ARHGAP24: variants seen among roughly 807,000 people sequenced by gnomAD.
ARHGAP24 encodes the protein Rho GTPase activating protein 24.
Under a neutral mutation model 76.4 loss-of-function variants are expected in ARHGAP24, and 50 were observed. The observed-to-expected ratio is 0.65, with a 90% CI of 0.52 to 0.83. ARHGAP24 has a LOEUF of 0.83. ARHGAP24 is among the 40% of genes least tolerant of loss of function. ARHGAP24 has a pLI of 0.00. For missense variants in ARHGAP24, 930 were observed against 914.2 expected, an observed-to-expected ratio of 1.02 and a Z score of -0.22; for synonymous variants, 345 against 323.3, an observed-to-expected ratio of 1.07 and a Z score of -0.72.
chr4:85,531,897 C>T (rs1028550307), intron 1 of ARHGAP24, among the ~76,000 whole-genome samples: 1 of 152,032 alleles, frequency 6.6e-6, no homozygotes, highest in African/African-American at 2.4e-5. Flanking sequence ...TCCCATGGGT[C>T]TGTGTTTTAT....
chr4:85,549,887 C>G (rs1364758721), intron 1 of ARHGAP24, among the ~76,000 whole-genome samples: 1 of 152,170 alleles, frequency 6.6e-6, no homozygotes, highest in Non-Finnish European at 1.5e-5. Context: ...TGTGTCAGTT[C>G]TCTTAGCATA....
chr4:85,617,262 A>G (rs114711988), intron 2 of ARHGAP24, among the ~76,000 whole-genome samples: 1,824 of 149,338 alleles, frequency 0.012, 39 homozygotes, highest in African/African-American at 0.042. Context: ...ATTTATATCT[A>G]TATTAATATA....
chr4:85,508,572 C>A (rs948589420), intron 1 of ARHGAP24, among the ~76,000 whole-genome samples: 1 of 152,188 alleles, frequency 6.6e-6, no homozygotes, highest in African/African-American at 2.4e-5. Context: ...AACTCCAGCA[C>A]CCTGTCTCTA....
chr4:85,930,974 T>G, intron 4 of ARHGAP24: 1 of 1,613,688 alleles, frequency 6.2e-7, no homozygotes, highest in Non-Finnish European at 8.5e-7. Context: ...GCTGGTGCCT[T>G]AGCCTCAACT....
intron 2 of ARHGAP24, among the ~76,000 whole-genome samples, chr4:85,593,225 T>C (rs1728189634): frequency 6.6e-6 from 1 of 152,206 alleles, no homozygotes; most frequent in Non-Finnish European, 1.5e-5. Flanking sequence ...CACCTTTTCA[T>C]ATAACTGTTT....
chr4:85,890,760 C>T (rs183221114), intron 3 of ARHGAP24, among the ~76,000 whole-genome samples: 1 of 152,258 alleles, frequency 6.6e-6, no homozygotes, highest in African/African-American at 2.4e-5. Flanking sequence ...TTGCACACCA[C>T]TGCAACTGGG....
chr4:85,830,771 A>G (rs1185480688), intron 3 of ARHGAP24, among the ~76,000 whole-genome samples: 1 of 152,196 alleles, frequency 6.6e-6, no homozygotes, highest in Non-Finnish European at 1.5e-5. Flanking sequence ...TCTCTGGTAG[A>G]TTAGTCCTGA....
intron 1 of ARHGAP24, among the ~76,000 whole-genome samples, chr4:85,556,825 T>G (rs1726394447): frequency 6.6e-6 from 1 of 152,158 alleles, no homozygotes; most frequent in Admixed American, 6.5e-5. Context: ...ACAGCAAAAA[T>G]GGTGCCCTGC....
intron 4 of ARHGAP24, among the ~76,000 whole-genome samples, chr4:85,931,635 T>C (rs951329807): frequency 6.6e-6 from 1 of 152,070 alleles, no homozygotes; most frequent in Non-Finnish European, 1.5e-5. Context: ...GATAGAACTA[T>C]CAGGAACAGG....
intron 1 of ARHGAP24, among the ~76,000 whole-genome samples, chr4:85,517,516 T>G (rs1183259154): frequency 1.3e-5 from 2 of 152,152 alleles, no homozygotes; most frequent in Non-Finnish European, 2.9e-5. Context: ...AGCTAACCAG[T>G]TTGCATTTCT....
intron 2 of ARHGAP24, among the ~76,000 whole-genome samples, chr4:85,615,659 ATAAT>A (rs1249123784): frequency 2.6e-5 from 4 of 152,214 alleles, no homozygotes; most frequent in Non-Finnish European, 5.9e-5. Context: ...TCTATGATAT[ATAAT>A]TAATTATGTT....
intron 1 of ARHGAP24, among the ~76,000 whole-genome samples, chr4:85,561,855 A>G (rs960295192): frequency 2.6e-5 from 4 of 152,186 alleles, no homozygotes; most frequent in African/African-American, 7.2e-5. Context: ...GAGAAATGAC[A>G]AGGAAAACCG....
rs550661091 is a variant in ARHGAP24 at position 85,846,449 on chromosome 4, A to G, written c.269-77199A>G. Among the ~76,000 whole-genome samples, 9 of 152,316 alleles carry G rather than the reference A, an allele frequency of 5.9e-5. No individual in the cohort carries two copies. In the South Asian group the frequency reaches 1.9e-3, roughly 32 times the overall value. ...GAGATACTACTTTAATATCTTACCTATTGCTATTGCAGTAAAATAAGTCAA... is the reference window on the plus strand; with the variant it reads ...GAGATACTACTTTAATATCTTACCTGTTGCTATTGCAGTAAAATAAGTCAA... On this transcript the variant is annotated intron_variant, in intron 3 of 9. Transcript: ENST00000395184.
chr4:85,915,485 T>C (rs373459295), intron 3 of ARHGAP24, among the ~76,000 whole-genome samples: 2 of 152,346 alleles, frequency 1.3e-5, no homozygotes, highest in East Asian at 1.9e-4. Context: ...GTTTGTTACA[T>C]AGGTATACAC....
rs148488776 is a variant in ARHGAP24 at position 85,994,969 on chromosome 4, A to G, written c.1315A>G (p.Ser439Gly). 240 of 1,614,152 alleles carry G rather than the reference A, an allele frequency of 1.5e-4. No homozygotes were observed. The highest frequency in any genetic ancestry group is 1.9e-4 in the Non-Finnish European group (221 of 1,180,030). Residue 439 changes from serine to glycine, a missense_variant, in exon 9 of 10, where the codon AGC becomes GGC. Ser to Gly is a moderately conservative substitution (Grantham distance 56). Transcript: ENST00000395184. ...GSGIVTNGSF[S>G]SSNAEGLEKT... ...TGGGATAGTTACCAATGGGTCCTTC[A>G]GCAGCAGTAATGCAGAAGGTCTTGA... is the stretch of plus-strand genomic sequence containing the variant.
At chr4:85,925,960 C>T (rs1560722087) in intron 4 of ARHGAP24, among the ~76,000 whole-genome samples, 1 of 151,966 alleles carries the variant, frequency 6.6e-6, no homozygotes, top group Non-Finnish European at 1.5e-5. Context: ...TTAATATCTA[C>T]TGAAGAATAT....
chr4:85,493,845 A>C (rs1205490134), intron 1 of ARHGAP24, among the ~76,000 whole-genome samples: 1 of 152,248 alleles, frequency 6.6e-6, no homozygotes, highest in Non-Finnish European at 1.5e-5. Context: ...ATACACATAA[A>C]GTACTTTCAG....
At chr4:85,624,726 T>C (rs1720870044) in intron 2 of ARHGAP24, among the ~76,000 whole-genome samples, 1 of 152,216 alleles carries the variant, frequency 6.6e-6, no homozygotes, top group South Asian at 2.1e-4. Context: ...GTTGGTAAGC[T>C]ATTGATTATT....
intron 2 of ARHGAP24, among the ~76,000 whole-genome samples, chr4:85,637,091 C>T (rs1273534596): frequency 1.3e-5 from 2 of 152,046 alleles, no homozygotes; most frequent in East Asian, 1.9e-4. Flanking sequence ...TAATTAAATA[C>T]ATGTGTGGCA....
Sources: gnomAD v4.1 joint callset for allele counts (sites outside exome capture counted in the v4.1 genomes callset) on GRCh38, gnomAD v4.1.1 for gene constraint, MANE v1.5 for transcripts, NCBI Gene and HGNC (gene_info 2026-07-23, HGNC 2026-07-21) for gene names.